SPMIP2: variants seen among roughly 807,000 people sequenced by gnomAD.
SPMIP2 encodes the protein protein SPMIP2.
the SPMIP2 span, among the ~76,000 whole-genome samples, chr4:158,911,347 CAAATAAAT>C: frequency 3.4e-4 from 48 of 141,326 alleles, no homozygotes; most frequent in East Asian, 6.2e-4. Context: ...GACTCCGTCT[CAAATAAAT>C]AAATAAATAA....
the SPMIP2 span, among the ~76,000 whole-genome samples, chr4:158,949,663 C>T: frequency 6.6e-6 from 1 of 152,172 alleles, no homozygotes; most frequent in Non-Finnish European, 1.5e-5. Context: ...TCCAGCAAAA[C>T]TTTGTACATC....
chr4:158,993,350 G>A, the SPMIP2 span, among the ~76,000 whole-genome samples: 1 of 151,650 alleles, frequency 6.6e-6, no homozygotes, highest in African/African-American at 2.4e-5. Context: ...CTGGGCAACA[G>A]AGTGAGATCC....
the SPMIP2 span, among the ~76,000 whole-genome samples, chr4:159,020,056 G>T: frequency 6.6e-6 from 1 of 151,852 alleles, no homozygotes; most frequent in Non-Finnish European, 1.5e-5. Flanking sequence ...GGAGTCGGAG[G>T]TTGCAGTGAG....
the SPMIP2 span, among the ~76,000 whole-genome samples, chr4:158,910,857 C>A: frequency 1.3e-5 from 2 of 152,178 alleles, no homozygotes; most frequent in African/African-American, 2.4e-5. Context: ...AAAATAAACA[C>A]CCCTCCCTGG....
the SPMIP2 span, among the ~76,000 whole-genome samples, chr4:158,916,619 A>G: frequency 6.6e-6 from 1 of 150,734 alleles, no homozygotes; most frequent in African/African-American, 2.4e-5. Context: ...ATGTATGTAC[A>G]TATGTATGTA....
chr4:159,007,768 A>T, the SPMIP2 span: 2 of 595,274 alleles, frequency 3.4e-6, no homozygotes, highest in Non-Finnish European at 6.5e-6. Context: ...GAGGTTTAAC[A>T]TATCAGCAGC....
chr4:158,902,723 C>T, the SPMIP2 span, among the ~76,000 whole-genome samples: 10 of 152,222 alleles, frequency 6.6e-5, no homozygotes, highest in Non-Finnish European at 1.2e-4. Context: ...GCCCCAGTGG[C>T]CTTGCTGAGA....
At chr4:158,973,192 T>G in the SPMIP2 span, 1 of 1,613,722 alleles carries the variant, frequency 6.2e-7, no homozygotes. Flanking sequence ...AAGCTTCTAT[T>G]TGAGGCAGGC....
chr4:158,946,443 T>C, the SPMIP2 span, among the ~76,000 whole-genome samples: 2 of 152,114 alleles, frequency 1.3e-5, no homozygotes, highest in African/African-American at 4.8e-5. Flanking sequence ...GGTGATTGGA[T>C]CATGGGGGCG....
chr4:159,029,009 C>A, the SPMIP2 span, among the ~76,000 whole-genome samples: 1 of 152,146 alleles, frequency 6.6e-6, no homozygotes, highest in Non-Finnish European at 1.5e-5. Context: ...GCAGGAGAAT[C>A]GCTTGAATCC....
the SPMIP2 span, among the ~76,000 whole-genome samples, chr4:158,922,134 C>T: frequency 6.1e-4 from 93 of 152,120 alleles, no homozygotes; most frequent in East Asian, 0.016. Flanking sequence ...GTGATCTGCC[C>T]GCCTCGGCCT....
chr4:158,899,755 G>C, the SPMIP2 span, among the ~76,000 whole-genome samples: 2 of 151,922 alleles, frequency 1.3e-5, no homozygotes, highest in African/African-American at 4.8e-5. Context: ...TTCTTTATTA[G>C]TCTGGCTAGT....
At chr4:159,012,965 A>G in the SPMIP2 span, among the ~76,000 whole-genome samples, 1 of 152,346 alleles carries the variant, frequency 6.6e-6, no homozygotes, top group South Asian at 2.1e-4. Context: ...TATTTGTTAC[A>G]TCACTGCTTA....
the SPMIP2 span, among the ~76,000 whole-genome samples, chr4:158,902,521 G>T: frequency 0.33 from 50,427 of 152,112 alleles, 9,923 homozygotes; most frequent in East Asian, 0.83. Context: ...CTGTGTGGGG[G>T]ATCCACTGCT....
the SPMIP2 span, among the ~76,000 whole-genome samples, chr4:159,009,851 T>A: frequency 6.4e-3 from 975 of 152,176 alleles, 12 homozygotes; most frequent in African/African-American, 0.022. Flanking sequence ...CCCGACACAG[T>A]GGTGTACGCC....
chr4:159,056,620 G>T, the SPMIP2 span, among the ~76,000 whole-genome samples: 4 of 152,220 alleles, frequency 2.6e-5, no homozygotes, highest in African/African-American at 9.6e-5. Flanking sequence ...ATAAATGCTA[G>T]AAGGAGATGG....
chr4:158,900,769 G>A, the SPMIP2 span, among the ~76,000 whole-genome samples: 1 of 152,082 alleles, frequency 6.6e-6, no homozygotes, highest in African/African-American at 2.4e-5. Flanking sequence ...CACAATCATG[G>A]GTCTTGACTC....
At chr4:158,927,988 CCT>C in the SPMIP2 span, among the ~76,000 whole-genome samples, 1 of 152,240 alleles carries the variant, frequency 6.6e-6, no homozygotes, top group East Asian at 1.9e-4. Flanking sequence ...CTTCCCACCC[CCT>C]CTGTGGGCTC....
the SPMIP2 span, among the ~76,000 whole-genome samples, chr4:158,928,669 A>C: frequency 1.3e-5 from 2 of 152,166 alleles, no homozygotes; most frequent in Non-Finnish European, 2.9e-5. Flanking sequence ...CCGCTCGGGT[A>C]CCCTTCCACA....
Sources: gnomAD v4.1 joint callset for allele counts (sites outside exome capture counted in the v4.1 genomes callset) on GRCh38, gnomAD v4.1.1 for gene constraint, MANE v1.5 for transcripts, NCBI Gene and HGNC (gene_info 2026-07-23, HGNC 2026-07-21) for gene names.